The following PPP2R5A variants were observed in gnomAD, a reference collection of about 807,000 sequenced individuals.
PPP2R5A encodes protein phosphatase 2 regulatory subunit B'alpha.
A neutral mutation model predicts 64.2 loss-of-function variants in PPP2R5A; 25 were observed. That is an observed-to-expected ratio of 0.39 (90% confidence interval 0.28 to 0.54). PPP2R5A has a LOEUF of 0.54. PPP2R5A is among the 20% of genes least tolerant of loss of function. The pLI, the probability that PPP2R5A is intolerant of heterozygous loss-of-function variation, is 0.67. For synonymous variants in PPP2R5A, 198 were observed against 201.2 expected, an observed-to-expected ratio of 0.98 and a Z score of 0.13; for missense variants, 425 against 576.3, an observed-to-expected ratio of 0.74 and a Z score of 2.69.
At chr1:212,312,562 T>C (rs907049259) in intron 1 of PPP2R5A, among the ~76,000 whole-genome samples, 2 of 152,208 alleles carry the variant, frequency 1.3e-5, no homozygotes, top group African/African-American at 2.4e-5. Flanking sequence ...TTTAGCTTTT[T>C]TTGTAGTAAT....
At chr1:212,358,648 CA>C (rs1449435967) in intron 11 of PPP2R5A, 37 bp from the exon 12 acceptor site, 3 of 1,418,402 alleles carry the variant, frequency 2.1e-6, no homozygotes, top group Admixed American at 3.5e-5. Flanking sequence ...TCTCTGTTAG[CA>C]GTATCATAAC....
intron 5 of PPP2R5A, among the ~76,000 whole-genome samples, chr1:212,346,389 G>A (rs1366686343): frequency 6.6e-6 from 1 of 151,658 alleles, no homozygotes; most frequent in East Asian, 1.9e-4. Context: ...CTCAGTATCT[G>A]GGGAGGATTG....
At chr1:212,322,239 G>A (rs1659316536) in intron 1 of PPP2R5A, among the ~76,000 whole-genome samples, 1 of 133,854 alleles carries the variant, frequency 7.5e-6, no homozygotes, top group East Asian at 2.1e-4. Flanking sequence ...AGAGGGAGAG[G>A]GAGAGGAGGG....
intron 3 of PPP2R5A, among the ~76,000 whole-genome samples, chr1:212,341,720 T>C (rs1390721875): frequency 6.6e-6 from 1 of 151,838 alleles, no homozygotes; most frequent in East Asian, 1.9e-4. Context: ...ATATAGTTTC[T>C]AGGTTTGTTT....
intron 4 of PPP2R5A, among the ~76,000 whole-genome samples, chr1:212,342,863 A>C (rs1659708631): frequency 6.6e-6 from 1 of 151,992 alleles, no homozygotes; most frequent in Non-Finnish European, 1.5e-5. Flanking sequence ...TTTTTTATAA[A>C]CTGCTTATTA....
At chr1:212,348,264 G>C in intron 6 of PPP2R5A, 125 bp from the exon 7 acceptor site, 1 of 653,068 alleles carries the variant, frequency 1.5e-6, no homozygotes, top group Non-Finnish European at 2.7e-6. Flanking sequence ...GTAGTTTGAA[G>C]ATGAGCAGTC....
chr1:212,323,019 C>T (rs1021484035), intron 1 of PPP2R5A, among the ~76,000 whole-genome samples: 3 of 152,210 alleles, frequency 2.0e-5, no homozygotes, highest in African/African-American at 4.8e-5. Context: ...ATCTCCTGAC[C>T]TCGTGATCTG....
chr1:212,316,587 CTTTTTTTTTT>C (rs751228809), intron 1 of PPP2R5A, among the ~76,000 whole-genome samples: 11 of 36,688 alleles, frequency 3.0e-4, no homozygotes, highest in South Asian at 1.9e-3. Context: ...TTGTGGGTGA[CTTTTTTTTTT>C]TTTTTTTTTT....
In PPP2R5A at chr1:212,357,307, G is replaced by A. The variant is rs111804828; in HGVS notation, c.1226+23G>A. ...TCCGTAAGTATCTTTTATATAGGTCGTATTTTTTTCTTTTTTTTTTTTTAT... is the reference window on the plus strand; with the variant it reads ...TCCGTAAGTATCTTTTATATAGGTCATATTTTTTTCTTTTTTTTTTTTTAT... On this transcript the variant is annotated intron_variant, in intron 11 of 12. Coordinates refer to ENST00000261461, the MANE Select transcript of PPP2R5A (RefSeq NM_006243.4). 3.2e-4 allele frequency: 465 copies of A among 1,472,228 alleles called. 3 individuals are homozygous for A. The African/African-American group carries it at 6.3e-3, about 20-fold the overall frequency. 91.2% of individuals were successfully genotyped at this position (1,472,228 alleles called of 1,614,324 possible).
chr1:212,309,934 C>G (rs750268538), intron 1 of PPP2R5A, among the ~76,000 whole-genome samples: 5 of 152,188 alleles, frequency 3.3e-5, no homozygotes, highest in Non-Finnish European at 5.9e-5. Flanking sequence ...TATATTGTAG[C>G]AACTCTTGGT....
chr1:212,356,730 G>C, intron 9 of PPP2R5A, 54 bp downstream of exon 9: 1 of 1,558,068 alleles, frequency 6.4e-7, no homozygotes, highest in Non-Finnish European at 8.8e-7. Flanking sequence ...TCAATCCCAG[G>C]GCTATAAACC....
intron 1 of PPP2R5A, among the ~76,000 whole-genome samples, chr1:212,311,204 G>A (rs1659023820): frequency 6.6e-6 from 1 of 152,176 alleles, no homozygotes. Flanking sequence ...AGGCATGGTG[G>A]CTCAAGCCTA....
At chr1:212,333,744 G>C (rs1558150154) in intron 3 of PPP2R5A, 146 bp downstream of exon 3, 2 of 469,798 alleles carry the variant, frequency 4.3e-6, no homozygotes, top group Non-Finnish European at 7.5e-6. Flanking sequence ...TGCAAGTACT[G>C]TTTTTCAATG....
Position 212,295,661 on chromosome 1 carries a change from G to A in PPP2R5A, c.181+9370G>A, listed in dbSNP as rs570962183. Among the ~76,000 whole-genome samples the A allele has an allele frequency of 3.9e-5, 6 of 152,284 alleles. No homozygotes were observed. In the South Asian group the frequency reaches 1.2e-3, roughly 32 times the overall value. On this transcript the variant is annotated intron_variant, in intron 1 of 12. Coordinates refer to ENST00000261461, the MANE Select transcript of PPP2R5A (RefSeq NM_006243.4). Reference sequence around the variant, plus strand: ...CTGGAGTGGAGGCCAAAGAAGACAGGAGAGAGTGGAGACAAGGCTGTCAGG... The same window carrying A: ...CTGGAGTGGAGGCCAAAGAAGACAGAAGAGAGTGGAGACAAGGCTGTCAGG...
In PPP2R5A at chr1:212,357,147, CTT is replaced by C. The variant is rs748970590; in HGVS notation, c.1099-4_1099-3del. 3 of 1,577,570 alleles carry C rather than the reference CTT, an allele frequency of 1.9e-6. No individual in the cohort carries two copies. Among genetic ancestry groups the C allele is most frequent in the Non-Finnish European group, 1.7e-6 (2 of 1,164,542 alleles). On this transcript the variant is annotated splice_region_variant and splice_polypyrimidine_tract_variant and intron_variant, in intron 10 of 12. Transcript: ENST00000261461. ...TTAGTTTTGACATTTCTCTAAATGTCTTTTTTTAGGTTGCAGAAAGGGCATTG... is the reference window on the plus strand; with the variant it reads ...TTAGTTTTGACATTTCTCTAAATGTCTTTTTAGGTTGCAGAAAGGGCATTG...
intron 9 of PPP2R5A, 110 bp from the exon 10 acceptor site, chr1:212,356,840 A>AT (rs1365058631): frequency 2.4e-6 from 3 of 1,275,014 alleles, no homozygotes; most frequent in Non-Finnish European, 3.2e-6. Flanking sequence ...CCATCCAGAC[A>AT]TTTTTTTGCT....
At chr1:212,313,982 A>G (rs1175269936) in intron 1 of PPP2R5A, among the ~76,000 whole-genome samples, 1 of 152,240 alleles carries the variant, frequency 6.6e-6, no homozygotes, top group Non-Finnish European at 1.5e-5. Context: ...GGGGGAAAAC[A>G]TTGATTCTTC....
chr1:212,348,088 C>G (rs1426478491), intron 6 of PPP2R5A, among the ~76,000 whole-genome samples: 1 of 152,140 alleles, frequency 6.6e-6, no homozygotes, highest in East Asian at 1.9e-4. Flanking sequence ...GGTACTGACT[C>G]TCCTGGAGCT....
rs1660079046 is a variant in PPP2R5A, at chr1:212,361,417, C to T, written c.*647C>T. Reference sequence around the variant, plus strand: ...ATTGTTCCTCATGAATATCCCCCTTCCTCTGCAATTCTCCAGAGTGGTAAC... The same window carrying T: ...ATTGTTCCTCATGAATATCCCCCTTTCTCTGCAATTCTCCAGAGTGGTAAC... On this transcript the variant is annotated 3_prime_UTR_variant, in exon 13 of 13. Coordinates refer to ENST00000261461, the MANE Select transcript of PPP2R5A (RefSeq NM_006243.4). 1.3e-5 allele frequency: 2 copies of T among 152,638 alleles called. No individual in the cohort carries two copies. Among genetic ancestry groups the T allele is most frequent in the Non-Finnish European group, 2.9e-5 (2 of 68,046 alleles). 9.5% of individuals were successfully genotyped at this position (152,638 alleles called of 1,614,324 possible). A position where few individuals can be genotyped will look rare whatever the true frequency, so the allele number is the denominator to read the frequency against.
Sources: allele counts gnomAD v4.1 joint callset (sites outside exome capture counted in the v4.1 genomes callset), GRCh38; gene constraint gnomAD v4.1.1; transcripts MANE v1.5; gene names NCBI Gene and HGNC (gene_info 2026-07-23, HGNC 2026-07-21).